Variants in ARAP2 observed in about 807,000 individuals in gnomAD.
The protein encoded by ARAP2 is ArfGAP with RhoGAP domain, ankyrin repeat and PH domain 2.
A neutral mutation model predicts 194.5 loss-of-function variants in ARAP2; 148 were observed. The observed-to-expected ratio is 0.76, with a 90% confidence interval of 0.67 to 0.87. The LOEUF (loss-of-function observed/expected upper bound fraction) is 0.87, where lower values mean the gene tolerates loss of function less well. ARAP2 is among the 40% of genes least tolerant of loss of function. The pLI is 0.00. For missense variants in ARAP2, 2,128 were observed against 1,989.7 expected (o/e 1.07, Z -1.32); for synonymous variants, 695 against 683.5 (o/e 1.02, Z -0.26).
Position 36,067,078 on chromosome 4 carries a change from A to T in ARAP2, c.*829T>A, listed in dbSNP as rs1358084773. 1.3e-5 allele frequency: 2 copies of T among 152,260 alleles called. No homozygotes were observed. The highest frequency in any genetic ancestry group is 4.8e-5 in the African/African-American group (2 of 41,472). 9.4% of individuals were successfully genotyped at this position (152,260 alleles called of 1,614,324 possible). On this transcript the variant is annotated 3_prime_UTR_variant, in exon 33 of 33. Coordinates refer to ENST00000303965, the MANE Select transcript of ARAP2 (RefSeq NM_015230.4). ...TACAATGACAGTGCAATCAGCATCCAGGCCAGGTCCTGTGTACACAACCTC... is the reference window on the plus strand; with the variant it reads ...TACAATGACAGTGCAATCAGCATCCTGGCCAGGTCCTGTGTACACAACCTC...
intron 9 of ARAP2, among the ~76,000 whole-genome samples, chr4:36,009,285 C>G (rs1713937996): frequency 6.6e-6 from 1 of 152,068 alleles, no homozygotes; most frequent in South Asian, 2.1e-4. Context: ...ATAGAATCTA[C>G]CCAGGTGTCC....
chr4:36,154,245 AG>A (rs1731703854), intron 15 of ARAP2, among the ~76,000 whole-genome samples: 1 of 152,204 alleles, frequency 6.6e-6, no homozygotes, highest in Non-Finnish European at 1.5e-5. Flanking sequence ...CTAAATTAAT[AG>A]TATTCGGCAC....
chr4:36,243,859 G>A (rs941265746), intron 1 of ARAP2: 2 of 152,272 alleles, frequency 1.3e-5, no homozygotes, highest in Non-Finnish European at 2.9e-5. Context: ...ATAACTTGGT[G>A]CCTGAAACTC....
At chr4:36,126,417 T>C (rs913750696) in intron 21 of ARAP2, among the ~76,000 whole-genome samples, 3 of 151,960 alleles carry the variant, frequency 2.0e-5, no homozygotes, top group Admixed American at 2.0e-4. Flanking sequence ...TCAGGCCATA[T>C]AGAAAATACA....
chr4:36,145,519 A>G (rs2109691454), intron 19 of ARAP2, among the ~76,000 whole-genome samples: 1 of 151,904 alleles, frequency 6.6e-6, no homozygotes, highest in South Asian at 2.1e-4. Context: ...GACACTGAGG[A>G]CTCCAAAAGT....
chr4:36,150,799 TAGA>T, intron 16 of ARAP2, 98 bp downstream of exon 16: 1 of 1,303,568 alleles, frequency 7.7e-7, no homozygotes, highest in East Asian at 2.4e-5. Flanking sequence ...ACCCTTCTAT[TAGA>T]AGCAACTAAA....
chr4:36,215,335 T>C lies in ARAP2; in HGVS notation c.906-855A>G, dbSNP rs112408216. Among the ~76,000 whole-genome samples the C allele has an allele frequency of 3.1e-3, 469 of 152,230 alleles. 2 individuals are homozygous for C. The highest frequency in any genetic ancestry group is 0.01 in the African/African-American group (434 of 41,562). On this transcript the variant is annotated intron_variant, in intron 2 of 32. Coordinates refer to ENST00000303965, the MANE Select transcript of ARAP2 (RefSeq NM_015230.4). ...AGAAAAAAGTTCCGAAGAAATGCGG[T>C]GGAAAAAGAGTAGCCCTTTCAACAA...
intron 2 of ARAP2, among the ~76,000 whole-genome samples, chr4:36,227,391 A>C (rs1373712859): frequency 2.0e-5 from 3 of 152,210 alleles, no homozygotes; most frequent in Non-Finnish European, 2.9e-5. Flanking sequence ...TGCTACTGGC[A>C]CTAGGGATGT....
In ARAP2 at chr4:36,167,045, A is replaced by C. The variant is rs1446397632; in HGVS notation, c.1860T>G (p.Asp620Glu). ...TGGTAATACCAAGTCCACTCTTAAAATCCTAGTTTGGAGAAAAACATAAAA... is the reference window on the plus strand; with the variant it reads ...TGGTAATACCAAGTCCACTCTTAAACTCCTAGTTTGGAGAAAAACATAAAA... ...NSVWLCKNEQ[D>E]FKSGLGITII... Residue 620 changes from aspartate (D) to glutamate (E), a missense_variant and splice_region_variant, in exon 10 of 33, where the codon GAT (aspartate) becomes GAG (glutamate). By Grantham distance (45) the Asp-to-Glu change is conservative. Coordinates refer to ENST00000303965, the MANE Select transcript of ARAP2 (RefSeq NM_015230.4). 1 of 1,524,084 alleles carries C rather than the reference A, an allele frequency of 6.6e-7. No individual in the cohort carries two copies. The highest frequency in any genetic ancestry group is 8.9e-7 in the Non-Finnish European group (1 of 1,128,584). The allele number at this position is 1,524,084 out of a possible 1,614,324, so 94.4% of individuals were successfully genotyped here.
chr4:36,091,729 A>G lies in ARAP2; in HGVS notation c.4425+152T>C, dbSNP rs947793509. 6.0e-6 allele frequency: 5 copies of G among 836,856 alleles called. No homozygotes were observed. In the African/African-American group the frequency reaches 8.6e-5, roughly 14 times the overall value. The allele number at this position is 836,856 out of a possible 1,614,324, so 51.8% of individuals were successfully genotyped here. A position where few individuals can be genotyped will look rare whatever the true frequency, so the allele number is the denominator to read the frequency against. On this transcript the variant is annotated intron_variant, in intron 28 of 32. Transcript: ENST00000303965. Reference sequence around the variant, plus strand: ...TCACTGTGTTACTGAGTGCATTAATATCTTATACCATAGGCTGAAGCAAAT... The same window carrying G: ...TCACTGTGTTACTGAGTGCATTAATGTCTTATACCATAGGCTGAAGCAAAT...
At chr4:36,118,543 C>G (rs972665099) in intron 24 of ARAP2, among the ~76,000 whole-genome samples, 1 of 151,162 alleles carries the variant, frequency 6.6e-6, no homozygotes, top group Admixed American at 6.6e-5. Context: ...TGAAAGCATT[C>G]AAAACATCTT....
intron 15 of ARAP2, among the ~76,000 whole-genome samples, chr4:36,155,863 T>G (rs1284116293): frequency 6.6e-6 from 1 of 152,124 alleles, no homozygotes; most frequent in Non-Finnish European, 1.5e-5. Context: ...AATTACATGA[T>G]CAGTTTTCCT....
chr4:36,175,692 C>T (rs1330921702), intron 9 of ARAP2, among the ~76,000 whole-genome samples: 1 of 152,088 alleles, frequency 6.6e-6, no homozygotes, highest in African/African-American at 2.4e-5. Context: ...TAGAAAAGAA[C>T]TTGTATACAA....
chr4:36,159,345 T>C lies in ARAP2; in HGVS notation c.2603A>G (p.His868Arg), dbSNP rs757361386. The change falls in exon 14 of 33, where the codon CAT becomes CGT. Residue 868 changes from histidine (H) to arginine (R), a missense_variant. By Grantham distance (29) the His-to-Arg change is conservative. Coordinates refer to ENST00000303965, the MANE Select transcript of ARAP2 (RefSeq NM_015230.4). Reference protein sequence around the residue: ...GQSLQMEFLYHNKFSDFPQHD... With the variant: ...GQSLQMEFLYRNKFSDFPQHD... ...CAGTGACGAACCTGAGAATTTGTTA[T>C]GGTAGAGAAATTCCATTTGCAGACT... 3.1e-6 allele frequency: 5 copies of C among 1,602,926 alleles called. No individual in the cohort carries two copies. Among genetic ancestry groups the C allele is most frequent in the South Asian group, 1.1e-5 (1 of 89,668 alleles).
chr4:36,037,452 AGTCT>A (rs1210964846), intron 5 of ARAP2, among the ~76,000 whole-genome samples: 1 of 152,130 alleles, frequency 6.6e-6, no homozygotes, highest in Admixed American at 6.6e-5. Context: ...CTGAAGAAAA[AGTCT>A]GTCTTTCAAA....
chr4:36,213,210 T>C (rs781183742), intron 4 of ARAP2, 33 bp downstream of exon 4: 1 of 1,432,344 alleles, frequency 7.0e-7, no homozygotes. Context: ...AAATAATTGA[T>C]TATGGAAAAC....
chr4:36,016,945 C>A (rs1715922951), intron 6 of ARAP2, among the ~76,000 whole-genome samples: 1 of 151,980 alleles, frequency 6.6e-6, no homozygotes, highest in African/African-American at 2.4e-5. Flanking sequence ...ATTTTCTATT[C>A]TCGTAAGTCT....
At chr4:36,084,706 G>A (rs770895016) in intron 28 of ARAP2, among the ~76,000 whole-genome samples, 2 of 152,032 alleles carry the variant, frequency 1.3e-5, no homozygotes, top group African/African-American at 4.8e-5. Context: ...AAAGCAAATA[G>A]GTTAGGAGGA....
intron 1 of ARAP2, among the ~76,000 whole-genome samples, chr4:36,235,814 T>C (rs1468317065): frequency 6.6e-6 from 1 of 151,750 alleles, no homozygotes; most frequent in Non-Finnish European, 1.5e-5. Flanking sequence ...CAGGAGTGAG[T>C]GTGAGGGGTG....
Sources: allele counts gnomAD v4.1 joint callset (sites outside exome capture counted in the v4.1 genomes callset), GRCh38; gene constraint gnomAD v4.1.1; transcripts MANE v1.5; gene names NCBI Gene and HGNC (gene_info 2026-07-23, HGNC 2026-07-21).